The following TMEFF1 variants were observed in gnomAD, a reference collection of about 807,000 sequenced individuals.
The protein encoded by TMEFF1 is transmembrane protein with EGF like and two follistatin like domains 1.
A neutral mutation model predicts 47.5 loss-of-function variants in TMEFF1; 20 were observed. The observed-to-expected ratio is 0.42, with a 90% CI of 0.30 to 0.61. The LOEUF (loss-of-function observed/expected upper bound fraction) is 0.61, where lower values mean the gene tolerates loss of function less well. Among genes scored for constraint, TMEFF1 ranks in the 20% least tolerant of loss-of-function variants. The pLI, the probability that TMEFF1 is intolerant of heterozygous loss-of-function variation, is 0.19. For synonymous variants in TMEFF1, 162 were observed against 166.3 expected (o/e 0.97, Z 0.20); for missense variants, 411 against 471.1 (o/e 0.87, Z 1.18).
At chr9:100,519,289 T>G (rs1468955162) in intron 5 of TMEFF1, among the ~76,000 whole-genome samples, 1 of 152,020 alleles carries the variant, frequency 6.6e-6, no homozygotes, top group East Asian at 1.9e-4. Context: ...GCACCTGTAG[T>G]CCCAGCTACT....
At chr9:100,507,714 T>C (rs1218572123) in intron 2 of TMEFF1, among the ~76,000 whole-genome samples, 3 of 152,178 alleles carry the variant, frequency 2.0e-5, no homozygotes, top group Non-Finnish European at 4.4e-5. Context: ...CTTTTGCTTG[T>C]TGGATTGTTT....
intron 5 of TMEFF1, among the ~76,000 whole-genome samples, chr9:100,537,377 A>G (rs576978775): frequency 1.3e-5 from 2 of 152,360 alleles, no homozygotes; most frequent in South Asian, 4.1e-4. Context: ...TATATTCAAT[A>G]TAATGATTAT....
chr9:100,506,320 A>G (rs1410918430), intron 2 of TMEFF1, among the ~76,000 whole-genome samples: 1 of 152,132 alleles, frequency 6.6e-6, no homozygotes, highest in African/African-American at 2.4e-5. Context: ...ATTTGTTGAC[A>G]TTTTATTCCA....
At chr9:100,485,194 C>T (rs1837426099) in intron 1 of TMEFF1, among the ~76,000 whole-genome samples, 1 of 152,138 alleles carries the variant, frequency 6.6e-6, no homozygotes, top group African/African-American at 2.4e-5. Flanking sequence ...CATTCAGTAT[C>T]CATTCATCTG....
chr9:100,476,483 C>T (rs1440726292), intron 1 of TMEFF1, among the ~76,000 whole-genome samples: 2 of 151,980 alleles, frequency 1.3e-5, no homozygotes, highest in African/African-American at 2.4e-5. Context: ...CAACCTCTGG[C>T]TCCTGGGTTC....
At chr9:100,542,308 C>A (rs1227963305) in intron 5 of TMEFF1, among the ~76,000 whole-genome samples, 1 of 152,106 alleles carries the variant, frequency 6.6e-6, no homozygotes, top group African/African-American at 2.4e-5. Context: ...ATTTTAATTT[C>A]CAGCTTAAAA....
At chr9:100,489,389 C>T (rs1178381053) in intron 1 of TMEFF1, among the ~76,000 whole-genome samples, 1 of 152,032 alleles carries the variant, frequency 6.6e-6, no homozygotes, top group African/African-American at 2.4e-5. Context: ...GGGGGTTTCA[C>T]CATGTTGCCC....
At position 100,509,138 on chromosome 9, in the gene TMEFF1, T is replaced by A. The variant is rs1425030186; in HGVS notation, c.436+4T>A. On this transcript the variant is annotated splice_donor_region_variant and intron_variant, in intron 3 of 9. Transcript: ENST00000374879. ...GCAAGAGGACCATGCTACTCTGGTATGTATGATATTCTTCTGAATAAATTT... is the reference window on the plus strand; with the variant it reads ...GCAAGAGGACCATGCTACTCTGGTAAGTATGATATTCTTCTGAATAAATTT... 1 of 1,510,144 alleles carries A rather than the reference T, an allele frequency of 6.6e-7. No individual in the cohort carries two copies. The highest frequency in any genetic ancestry group is 1.4e-5 in the African/African-American group (1 of 69,976). The allele number at this position is 1,510,144 out of a possible 1,614,324, so 93.5% of individuals were successfully genotyped here. A position where few individuals can be genotyped will look rare whatever the true frequency, so the allele number is the denominator to read the frequency against.
Position 100,576,636 on chromosome 9 carries a change from G to A in TMEFF1, c.*36G>A, listed in dbSNP as rs751125594. ...TTTATATGTACACTGACCATGTGAT[G>A]TACATTTATTATGTCTTTTTTTAAA... is the stretch of plus-strand genomic sequence containing the variant. On this transcript the variant is annotated 3_prime_UTR_variant, in exon 10 of 10. Coordinates refer to ENST00000374879, the MANE Select transcript of TMEFF1 (RefSeq NM_003692.5). The A allele has an allele frequency of 9.0e-6, 14 of 1,559,566 alleles. No homozygotes were observed. In the South Asian group the frequency reaches 1.4e-4, roughly 16 times the overall value.
intron 5 of TMEFF1, among the ~76,000 whole-genome samples, chr9:100,546,461 C>T (rs1476109871): frequency 2.0e-5 from 3 of 150,730 alleles, no homozygotes; most frequent in Non-Finnish European, 4.4e-5. Flanking sequence ...CCACAACACA[C>T]GGGAATTGTG....
At chr9:100,572,382 C>A (rs1839257786) in intron 8 of TMEFF1, 136 bp from the exon 9 acceptor site, 1 of 987,202 alleles carries the variant, frequency 1.0e-6, no homozygotes, top group African/African-American at 1.7e-5. Context: ...TGACATTTTT[C>A]CCCCAGATGG....
At chr9:100,477,548 A>T (rs1449637207) in intron 1 of TMEFF1, among the ~76,000 whole-genome samples, 2 of 147,560 alleles carry the variant, frequency 1.4e-5, no homozygotes, top group African/African-American at 5.0e-5. Context: ...AAACTTATTT[A>T]TCCATTTTAG....
chr9:100,549,990 G>A (rs1838801929), intron 6 of TMEFF1, 105 bp from the exon 7 acceptor site: 2 of 1,334,952 alleles, frequency 1.5e-6, no homozygotes, highest in Non-Finnish European at 2.0e-6. Context: ...AGGATAAGGG[G>A]GCAGAGGTTA....
At chr9:100,563,852 A>G (rs1839069251) in intron 8 of TMEFF1, among the ~76,000 whole-genome samples, 1 of 152,164 alleles carries the variant, frequency 6.6e-6, no homozygotes, top group South Asian at 2.1e-4. Flanking sequence ...TTAAATGCTA[A>G]AGAATCCCTT....
At chr9:100,515,648 T>C (rs568594602) in intron 4 of TMEFF1, among the ~76,000 whole-genome samples, 2 of 152,092 alleles carry the variant, frequency 1.3e-5, no homozygotes, top group African/African-American at 4.8e-5. Context: ...TAGCTGGGCA[T>C]GGTGGTGTGA....
intron 5 of TMEFF1, among the ~76,000 whole-genome samples, chr9:100,519,218 A>G (rs1010284780): frequency 6.6e-6 from 1 of 151,890 alleles, no homozygotes; most frequent in African/African-American, 2.4e-5. Context: ...GACCATCCTG[A>G]CCAACATGAT....
chr9:100,509,047 A>G lies in TMEFF1; in HGVS notation c.349A>G (p.Thr117Ala). The G allele has an allele frequency of 1.9e-6, 3 of 1,604,988 alleles. No homozygotes were observed. Among genetic ancestry groups the G allele is most frequent in the Non-Finnish European group, 2.5e-6 (3 of 1,176,758 alleles). ...YIPVCGSNGD[T>A]YQNECFLRRA... The stretch of plus-strand genomic sequence containing the variant: ...TCCTGTCTGTGGATCAAATGGGGAC[A>G]CTTATCAAAATGAATGCTTTCTCAG... Residue 117 changes from threonine (T) to alanine (A), a missense_variant, in exon 3 of 10, where the codon ACT becomes GCT. Physicochemically the swap from Thr to Ala is moderately conservative, Grantham distance 58. Coordinates refer to ENST00000374879, the MANE Select transcript of TMEFF1 (RefSeq NM_003692.5).
At chr9:100,534,618 TAC>T (rs775790598) in intron 5 of TMEFF1, among the ~76,000 whole-genome samples, 16 of 152,224 alleles carry the variant, frequency 1.1e-4, no homozygotes, top group Non-Finnish European at 1.8e-4. Context: ...AGCTGGACTT[TAC>T]TTGAAATGGT....
Position 100,556,980 on chromosome 9 carries a change from C to T in TMEFF1, c.776-4417C>T, listed in dbSNP as rs1206151469. Among the ~76,000 whole-genome samples the T allele has an allele frequency of 5.9e-5, 9 of 151,546 alleles. 1 individual carries two copies. In the South Asian group the frequency reaches 8.4e-4, roughly 14 times the overall value. On this transcript the variant is annotated intron_variant, in intron 7 of 9. Coordinates refer to ENST00000374879, the MANE Select transcript of TMEFF1 (RefSeq NM_003692.5). ...TTGTGCCTCAGCCTCCTGAGTAGCT[C>T]GGCTTACAGGTGTGCACCCCATTCC...
Sources: allele counts gnomAD v4.1 joint callset (sites outside exome capture counted in the v4.1 genomes callset), GRCh38; gene constraint gnomAD v4.1.1; transcripts MANE v1.5; gene names NCBI Gene and HGNC (gene_info 2026-07-23, HGNC 2026-07-21).